The following ERBB4 variants were observed in gnomAD, a reference collection of about 807,000 sequenced individuals.
ERBB4 encodes the protein receptor tyrosine-protein kinase erbB-4.
Under a neutral mutation model 158.0 loss-of-function variants are expected in ERBB4, and 42 were observed. That is an observed-to-expected ratio of 0.27 (90% CI 0.21 to 0.34). The LOEUF is 0.34. ERBB4 is among the 10% of genes least tolerant of loss of function. ERBB4 has a pLI of 1.00. For missense variants in ERBB4, 1,333 were observed against 1,624.1 expected, an observed-to-expected ratio of 0.82 and a Z score of 3.08; for synonymous variants, 583 against 558.7, an observed-to-expected ratio of 1.04 and a Z score of -0.61.
intron 19 of ERBB4, among the ~76,000 whole-genome samples, chr2:211,568,547 T>C (rs1182884545): frequency 6.6e-6 from 1 of 152,202 alleles, no homozygotes; most frequent in East Asian, 1.9e-4. Flanking sequence ...AGTGAAAACT[T>C]ATAGGCTATT....
rs2081642013 is a variant in ERBB4, at chr2:211,977,475, T to C, written c.235-29859A>G. ...CTTTGCCGTAACTTCTCAGAGTGCC[T>C]TTTTTCCCTCTTGGCACTTTCTCTT... On this transcript the variant is annotated intron_variant, in intron 2 of 27. Transcript: ENST00000342788. Among the ~76,000 whole-genome samples the C allele has an allele frequency of 2.0e-5, 3 of 148,856 alleles. No homozygotes were observed. The South Asian group carries it at 6.4e-4, about 32-fold the overall frequency.
At chr2:211,525,203 G>C (rs1048310181) in intron 20 of ERBB4, among the ~76,000 whole-genome samples, 5 of 152,084 alleles carry the variant, frequency 3.3e-5, no homozygotes, top group African/African-American at 1.2e-4. Flanking sequence ...TAAAACACCA[G>C]CCAGGGCAGC....
chr2:211,996,140 C>A (rs1399841147), intron 2 of ERBB4, among the ~76,000 whole-genome samples: 3 of 152,084 alleles, frequency 2.0e-5, no homozygotes, highest in Non-Finnish European at 4.4e-5. Flanking sequence ...TAATTAGTAT[C>A]ATTATTTCTT....
intron 1 of ERBB4, among the ~76,000 whole-genome samples, chr2:212,373,904 CAT>C (rs2090197739): frequency 2.9e-5 from 3 of 102,768 alleles, no homozygotes; most frequent in Non-Finnish European, 5.9e-5. Flanking sequence ...TATATATATC[CAT>C]GTATATATCC....
chr2:212,510,309 T>C (rs1210616736), intron 1 of ERBB4, among the ~76,000 whole-genome samples: 2 of 150,090 alleles, frequency 1.3e-5, no homozygotes, highest in East Asian at 3.9e-4. Context: ...ATAAAACAAG[T>C]GTACAGAAGG....
chr2:212,016,929 T>C lies in ERBB4; in HGVS notation c.235-69313A>G, dbSNP rs548927517. 5.9e-5 allele frequency among the ~76,000 whole-genome samples: 9 copies of C among 152,270 alleles called. No individual in the cohort carries two copies. The East Asian group carries it at 1.5e-3, about 26-fold the overall frequency. On this transcript the variant is annotated intron_variant, in intron 2 of 27. Transcript: ENST00000342788. ...ATAGTTGTCACTTAATAAAAGGTAG[T>C]TGTCATTTTTATTATTATAAAGTGC...
At chr2:211,824,914 A>G (rs2105952397) in intron 3 of ERBB4, among the ~76,000 whole-genome samples, 1 of 152,086 alleles carries the variant, frequency 6.6e-6, no homozygotes, top group South Asian at 2.1e-4. Flanking sequence ...CACATATTTG[A>G]CTTCATCTTT....
At chr2:212,021,565 A>T (rs1386540295) in intron 2 of ERBB4, among the ~76,000 whole-genome samples, 2 of 152,148 alleles carry the variant, frequency 1.3e-5, no homozygotes, top group Admixed American at 1.3e-4. Flanking sequence ...TTATACAAAA[A>T]TTTACTCTAG....
chr2:211,872,014 C>T (rs537091076), intron 3 of ERBB4, among the ~76,000 whole-genome samples: 7 of 152,108 alleles, frequency 4.6e-5, no homozygotes, highest in Non-Finnish European at 1.0e-4. Flanking sequence ...TAAATAAGCA[C>T]ACATTTTAGT....
chr2:212,226,714 T>C (rs557878111), intron 1 of ERBB4, among the ~76,000 whole-genome samples: 12 of 152,264 alleles, frequency 7.9e-5, no homozygotes, highest in African/African-American at 2.6e-4. Flanking sequence ...GTTGCTTTTT[T>C]TAATCTGTCT....
chr2:211,701,352 C>G (rs953330993), intron 12 of ERBB4, among the ~76,000 whole-genome samples: 6 of 152,030 alleles, frequency 3.9e-5, no homozygotes, highest in African/African-American at 1.4e-4. Flanking sequence ...GGGTCGATCT[C>G]CACAAATTGA....
At chr2:212,145,611 C>G (rs2080639682) in intron 1 of ERBB4, among the ~76,000 whole-genome samples, 1 of 151,844 alleles carries the variant, frequency 6.6e-6, no homozygotes, top group Non-Finnish European at 1.5e-5. Context: ...TAAGAGTCAC[C>G]CAGTCCACTC....
intron 20 of ERBB4, among the ~76,000 whole-genome samples, chr2:211,536,898 T>C (rs2066669908): frequency 6.6e-6 from 1 of 151,048 alleles, no homozygotes; most frequent in Non-Finnish European, 1.5e-5. Context: ...TAAATCTTTC[T>C]CCCAACCTAG....
intron 16 of ERBB4, among the ~76,000 whole-genome samples, chr2:211,631,210 G>C (rs1231626552): frequency 6.6e-6 from 1 of 151,986 alleles, no homozygotes; most frequent in Non-Finnish European, 1.5e-5. Flanking sequence ...ATCACCCCCA[G>C]TTAGGAAGCA....
intron 4 of ERBB4, among the ~76,000 whole-genome samples, chr2:211,769,550 G>C (rs1350943433): frequency 1.3e-5 from 2 of 152,204 alleles, no homozygotes; most frequent in Non-Finnish European, 2.9e-5. Flanking sequence ...CACAAGGTAA[G>C]GTCTCAGGAT....
At chr2:211,740,752 AGGC>A (rs1449076301) in intron 5 of ERBB4, among the ~76,000 whole-genome samples, 1 of 148,292 alleles carries the variant, frequency 6.7e-6, no homozygotes, top group Non-Finnish European at 1.5e-5. Flanking sequence ...CTGGGACTAT[AGGC>A]GCCCGCCACC....
chr2:212,343,968 A>T (rs1384101785), intron 1 of ERBB4, among the ~76,000 whole-genome samples: 1 of 152,182 alleles, frequency 6.6e-6, no homozygotes, highest in East Asian at 1.9e-4. Context: ...CCATTTGTAT[A>T]TAATTGCTTT....
intron 1 of ERBB4, among the ~76,000 whole-genome samples, chr2:212,228,903 G>T (rs2083569014): frequency 6.6e-6 from 1 of 152,142 alleles, no homozygotes; most frequent in Non-Finnish European, 1.5e-5. Flanking sequence ...GATCAGCTAG[G>T]CTAAAAATTT....
chr2:211,720,227 C>A (rs766767826), intron 7 of ERBB4, among the ~76,000 whole-genome samples: 2 of 152,212 alleles, frequency 1.3e-5, no homozygotes, highest in African/African-American at 2.4e-5. Flanking sequence ...CCTATCACAG[C>A]AAGTTTACAT....
Sources: gnomAD v4.1 joint callset for allele counts (sites outside exome capture counted in the v4.1 genomes callset) on GRCh38, gnomAD v4.1.1 for gene constraint, MANE v1.5 for transcripts, NCBI Gene and HGNC (gene_info 2026-07-23, HGNC 2026-07-21) for gene names.